The following MICAL3 variants were observed in gnomAD, a reference collection of about 807,000 sequenced individuals.
MICAL3 encodes the protein [F-actin]-monooxygenase MICAL3.
A neutral mutation model predicts 207.4 loss-of-function variants in MICAL3; 62 were observed. The observed-to-expected ratio is 0.30, with a 90% CI of 0.24 to 0.37. MICAL3 has a LOEUF of 0.37. Ranked by LOEUF, MICAL3 falls within the 10% of genes least tolerant of loss-of-function variation. The pLI is 1.00. For synonymous variants in MICAL3, 1,077 were observed against 1,069.3 expected, an observed-to-expected ratio of 1.01 and a Z score of -0.14; for missense variants, 2,368 against 2,635.6, an observed-to-expected ratio of 0.90 and a Z score of 2.22.
chr22:17,968,620 G>C (rs1342579244), intron 1 of MICAL3, among the ~76,000 whole-genome samples: 2 of 152,154 alleles, frequency 1.3e-5, no homozygotes, highest in Non-Finnish European at 2.9e-5. Context: ...GTCCAACTGA[G>C]AGCCGATACT....
At chr22:17,983,780 C>G (rs1172727031) in intron 1 of MICAL3, among the ~76,000 whole-genome samples, 1 of 152,136 alleles carries the variant, frequency 6.6e-6, no homozygotes, top group Non-Finnish European at 1.5e-5. Context: ...CACCTTCACA[C>G]CATGCCACTT....
chr22:17,792,066 G>A (rs189637529), intron 29 of MICAL3, among the ~76,000 whole-genome samples: 1 of 152,230 alleles, frequency 6.6e-6, no homozygotes, highest in Non-Finnish European at 1.5e-5. Context: ...ACCAACAGGT[G>A]CCGATACCAA....
In MICAL3 at chr22:17,928,526, CA is replaced by C. The variant is rs1229751378; in HGVS notation, c.-74-21641del. ...TATGAGATATATCTAGTGTGGTGAA[CA>C]CATTCACTCACTGAGATAAGACTAC... On this transcript the variant is annotated intron_variant, in intron 1 of 31. Coordinates refer to ENST00000441493, the MANE Select transcript of MICAL3 (RefSeq NM_015241.3). Among the ~76,000 whole-genome samples, 16 of 152,030 alleles carry C rather than the reference CA, an allele frequency of 1.1e-4. 1 individual carries two copies. The highest frequency in any genetic ancestry group is 1.0e-3 in the Admixed American group (16 of 15,272).
rs772605590 is a variant in MICAL3, at chr22:17,902,788, G to C, written c.473-41C>G. 5 of 1,273,106 alleles carry C rather than the reference G, an allele frequency of 3.9e-6. No homozygotes were observed. The South Asian group carries it at 6.4e-5, about 16-fold the overall frequency. The allele number at this position is 1,273,106 out of a possible 1,614,324, so 78.9% of individuals were successfully genotyped here. ...GATGACGTTGATGGGAACACATGGA[G>C]AAGGGGGTACCCATCCGTGTCGCAG... On this transcript the variant is annotated intron_variant, in intron 3 of 31. Transcript: ENST00000441493. This position sits in a 1 kb window ranked among gnomAD's most constrained non-coding sequence, Gnocchi z 4.5.
chr22:17,848,754 T>G (rs1353081567), intron 19 of MICAL3, among the ~76,000 whole-genome samples: 1 of 152,230 alleles, frequency 6.6e-6, no homozygotes, highest in Non-Finnish European at 1.5e-5. Flanking sequence ...TAGGAAAGAT[T>G]CAGAGGGCTT....
rs143077590 is a variant in MICAL3, at chr22:17,801,860, T to C, written c.5650+6984A>G. Among the ~76,000 whole-genome samples the C allele has an allele frequency of 4.3e-4, 65 of 151,792 alleles. No homozygotes were observed. The East Asian group carries it at 7.4e-3, about 17-fold the overall frequency. On this transcript the variant is annotated intron_variant, in intron 29 of 31. Transcript: ENST00000441493. The stretch of plus-strand genomic sequence containing the variant: ...AGTGAGCCAAAATCGCGCCACTGCA[T>C]TCCAGCCTGGGCGACAGAGCGAGAC...
intron 16 of MICAL3, among the ~76,000 whole-genome samples, chr22:17,876,043 G>C (rs773967076): frequency 2.2e-4 from 33 of 152,210 alleles, no homozygotes; most frequent in Admixed American, 9.2e-4. Context: ...TCCTTCTACA[G>C]AAGGGCCAGG....
At chr22:17,972,308 G>A (rs1201878604) in intron 1 of MICAL3, among the ~76,000 whole-genome samples, 1 of 152,190 alleles carries the variant, frequency 6.6e-6, no homozygotes, top group Non-Finnish European at 1.5e-5. Flanking sequence ...AAATGTTCAA[G>A]TCACATGGTC....
intron 1 of MICAL3, among the ~76,000 whole-genome samples, chr22:17,912,540 G>A (rs117792890): frequency 0.012 from 1,839 of 152,180 alleles, 19 homozygotes; most frequent in Non-Finnish European, 0.016. Flanking sequence ...ACTGTACAAG[G>A]CTTTCACCTC....
intron 21 of MICAL3, among the ~76,000 whole-genome samples, chr22:17,828,962 C>A (rs1211445895): frequency 1.3e-5 from 2 of 152,178 alleles, no homozygotes; most frequent in African/African-American, 4.8e-5. Context: ...CAGAAAGGAC[C>A]AGCAAGACCA....
chr22:17,834,566 TA>T (rs1474517153), intron 20 of MICAL3: 2 of 1,138,294 alleles, frequency 1.8e-6, no homozygotes, highest in African/African-American at 1.7e-5. Flanking sequence ...AAAATAAAGA[TA>T]AAAATAAATT....
chr22:17,829,678 A>G (rs112519007), intron 21 of MICAL3, among the ~76,000 whole-genome samples: 67 of 152,246 alleles, frequency 4.4e-4, no homozygotes, highest in African/African-American at 1.6e-3. Context: ...TATCGACAGC[A>G]CAAGCCAGCA....
chr22:17,855,696 C>A (rs533633580), intron 19 of MICAL3, among the ~76,000 whole-genome samples: 1 of 152,356 alleles, frequency 6.6e-6, no homozygotes, highest in Non-Finnish European at 1.5e-5. Flanking sequence ...TTAATGACTT[C>A]CCCCATTGCA....
chr22:17,914,339 T>C (rs564820897), intron 1 of MICAL3, among the ~76,000 whole-genome samples: 28 of 152,148 alleles, frequency 1.8e-4, no homozygotes, highest in African/African-American at 5.3e-4. Flanking sequence ...ACAAGACAGA[T>C]AGAAGATACT....
At chr22:17,812,404 A>C in intron 27 of MICAL3, 3 of 478,420 alleles carry the variant, frequency 6.3e-6, no homozygotes, top group Non-Finnish European at 8.2e-6. Context: ...TGCACGCACA[A>C]ACACAGTTAG....
At chr22:17,839,279 A>C (rs1923744361) in intron 20 of MICAL3, among the ~76,000 whole-genome samples, 1 of 47,650 alleles carries the variant, frequency 2.1e-5, no homozygotes, top group Non-Finnish European at 3.6e-5. Context: ...TTTTTTTGAG[A>C]CGAAGTCTCC....
chr22:17,956,576 G>A (rs1357864554), intron 1 of MICAL3, among the ~76,000 whole-genome samples: 1 of 152,222 alleles, frequency 6.6e-6, no homozygotes, highest in African/African-American at 2.4e-5. Flanking sequence ...GGCTGAGGCA[G>A]GAGAATTGCT....
rs1931142677 is a variant in MICAL3 at position 17,899,463 on chromosome 22, T to C, written c.933A>G (p.Lys311=). The C allele has an allele frequency of 3.1e-6, 5 of 1,606,124 alleles. No homozygotes were observed. Among genetic ancestry groups the C allele is most frequent in the Non-Finnish European group, 4.3e-6 (5 of 1,174,648 alleles). The stretch of plus-strand genomic sequence containing the variant: ...CGTGGCTCACATGTAGTATCACTCC[T>C]TTGTCCAGCAAACTCTGCTTTTTGG... ...MTAKKQSLLD[K]GVILHDYADT... The change falls in exon 7 of 32, where the codon AAA becomes AAG. Residue 311 remains lysine, a synonymous_variant. Coordinates refer to ENST00000441493, the MANE Select transcript of MICAL3 (RefSeq NM_015241.3).
At chr22:17,952,388 G>A (rs1005177622) in intron 1 of MICAL3, among the ~76,000 whole-genome samples, 7 of 152,104 alleles carry the variant, frequency 4.6e-5, no homozygotes, top group Admixed American at 1.3e-4. Context: ...GCCTGTGTGT[G>A]GCATCTCAGT....
Sources: allele counts gnomAD v4.1 joint callset (sites outside exome capture counted in the v4.1 genomes callset), GRCh38; gene constraint gnomAD v4.1.1; non-coding constraint Gnocchi (gnomAD v3.1); transcripts MANE v1.5; gene names NCBI Gene and HGNC (gene_info 2026-07-23, HGNC 2026-07-21).